SRGAP3: variants seen among roughly 807,000 people sequenced by gnomAD.
SRGAP3 encodes SLIT-ROBO Rho GTPase-activating protein 3.
In SRGAP3, 39 loss-of-function variants were observed where a neutral mutation model predicts 121.1. That is an observed-to-expected ratio of 0.32 (90% confidence interval 0.25 to 0.42). The LOEUF (loss-of-function observed/expected upper bound fraction) is 0.42, where lower values mean the gene tolerates loss of function less well. Among genes scored for constraint, SRGAP3 ranks in the 10% least tolerant of loss-of-function variants. The probability of loss-of-function intolerance (pLI) is 1.00; values close to 1 mark genes in which losing one functional copy is unlikely to be tolerated. For synonymous variants in SRGAP3, 601 were observed against 570.0 expected (o/e 1.05, Z -0.77); for missense variants, 1,213 against 1,470.6 (o/e 0.82, Z 2.86).
chr3:9,060,168 C>A (rs746722235), intron 6 of SRGAP3, 63 bp downstream of exon 6: 2 of 1,612,128 alleles, frequency 1.2e-6, no homozygotes, highest in Non-Finnish European at 1.7e-6. Flanking sequence ...CCTCCTTCAG[C>A]CAGTGACATG....
rs749892272 is a variant in SRGAP3 at position 9,027,044 on chromosome 3, A to C, written c.1540-49T>G. On this transcript the variant is annotated intron_variant, in intron 12 of 21. Coordinates refer to ENST00000383836, the MANE Select transcript of SRGAP3 (RefSeq NM_014850.4). ...TTTTATGGGGCTTGACAACCACCAC[A>C]GGAAAAAGACATTGCAAACACCGAT... 5.8e-6 allele frequency: 9 copies of C among 1,562,214 alleles called. No homozygotes were observed. The East Asian group carries it at 1.6e-4, about 27-fold the overall frequency.
intron 1 of SRGAP3, among the ~76,000 whole-genome samples, chr3:9,144,949 T>C (rs185120736): frequency 5.9e-5 from 9 of 152,368 alleles, no homozygotes; most frequent in South Asian, 2.1e-4. Flanking sequence ...GAAGGTTACA[T>C]GTGCATTATA....
intron 1 of SRGAP3, among the ~76,000 whole-genome samples, chr3:9,248,666 T>G (rs140899946): frequency 1.4e-4 from 21 of 152,284 alleles, no homozygotes; most frequent in Non-Finnish European, 2.4e-4. Context: ...CAGAGACTGC[T>G]GCCCATTCCA....
chr3:9,289,496 C>A (rs959111217), intron 3 of SRGAP3, among the ~76,000 whole-genome samples: 3 of 152,206 alleles, frequency 2.0e-5, no homozygotes, highest in Non-Finnish European at 4.4e-5. Context: ...AAGAACACTA[C>A]TAGTCTAACA....
chr3:9,096,890 T>C (rs1947988577), intron 3 of SRGAP3, among the ~76,000 whole-genome samples: 1 of 139,854 alleles, frequency 7.2e-6, no homozygotes, highest in Non-Finnish European at 1.5e-5. Flanking sequence ...TAATATATTA[T>C]TATATATTAT....
intron 1 of SRGAP3, among the ~76,000 whole-genome samples, chr3:9,204,740 C>T (rs771629891): frequency 2.0e-5 from 3 of 152,140 alleles, no homozygotes; most frequent in Non-Finnish European, 2.9e-5. Flanking sequence ...AGGCGTAAGC[C>T]GGGCAATCAC....
chr3:9,222,723 C>T (rs975214416), intron 1 of SRGAP3, among the ~76,000 whole-genome samples: 8 of 152,194 alleles, frequency 5.3e-5, no homozygotes, highest in African/African-American at 1.9e-4. Context: ...ATATCATGGT[C>T]GCACTGATAC....
At chr3:9,115,577 T>C (rs570405384) in intron 2 of SRGAP3, among the ~76,000 whole-genome samples, 7 of 152,238 alleles carry the variant, frequency 4.6e-5, no homozygotes, top group Admixed American at 1.3e-4. Flanking sequence ...ATAAAGGAGC[T>C]ACAGCCATTG....
intron 3 of SRGAP3, among the ~76,000 whole-genome samples, chr3:9,262,540 A>C (rs1255934480): frequency 6.8e-6 from 1 of 146,412 alleles, no homozygotes; most frequent in African/African-American, 2.5e-5. Flanking sequence ...AAAGCAAAAA[A>C]AAAAAAAAAA....
chr3:9,167,732 G>A (rs1434158643), intron 1 of SRGAP3, among the ~76,000 whole-genome samples: 2 of 152,178 alleles, frequency 1.3e-5, no homozygotes, highest in South Asian at 2.1e-4. Flanking sequence ...AGCATCTGCT[G>A]AAGGCCATCA....
intron 5 of SRGAP3, among the ~76,000 whole-genome samples, chr3:9,062,471 C>A (rs541940051): frequency 1.6e-3 from 237 of 152,184 alleles, no homozygotes; most frequent in African/African-American, 5.5e-3. Context: ...CATTATCTAA[C>A]TTTAGAATAT....
chr3:9,061,767 G>C (rs1946183374), intron 5 of SRGAP3, among the ~76,000 whole-genome samples: 1 of 152,116 alleles, frequency 6.6e-6, no homozygotes, highest in Non-Finnish European at 1.5e-5. Context: ...GGAGAGGTGG[G>C]GTGGGGCAGC....
intron 4 of SRGAP3, among the ~76,000 whole-genome samples, chr3:9,079,389 CA>C (rs1947131905): frequency 6.6e-6 from 1 of 152,160 alleles, no homozygotes; most frequent in Non-Finnish European, 1.5e-5. Context: ...ATCATCACCT[CA>C]TGTGTTTGTG....
chr3:9,027,530 C>T (rs541867934), intron 12 of SRGAP3, among the ~76,000 whole-genome samples: 2 of 151,702 alleles, frequency 1.3e-5, no homozygotes, highest in African/African-American at 2.4e-5. Context: ...CAAGTAAACA[C>T]CCAGATGCAT....
chr3:9,225,435 G>GT (rs1381715462), intron 1 of SRGAP3, among the ~76,000 whole-genome samples: 1 of 152,116 alleles, frequency 6.6e-6, no homozygotes, highest in Non-Finnish European at 1.5e-5. Flanking sequence ...AAGTTACCAG[G>GT]TTGAAGACTT....
intron 1 of SRGAP3, among the ~76,000 whole-genome samples, chr3:9,345,285 GT>G (rs1267964082): frequency 6.6e-6 from 1 of 152,072 alleles, no homozygotes; most frequent in Non-Finnish European, 1.5e-5. Flanking sequence ...GAGGCCAGGA[GT>G]TTGAGACCAG....
intron 1 of SRGAP3, among the ~76,000 whole-genome samples, chr3:9,351,132 C>T (rs1390882119): frequency 6.6e-6 from 1 of 152,110 alleles, no homozygotes; most frequent in Non-Finnish European, 1.5e-5. Context: ...GCAACCTAGA[C>T]TTGGAATTAG....
At chr3:9,265,065 C>T (rs1232298880) in intron 3 of SRGAP3, among the ~76,000 whole-genome samples, 1 of 152,062 alleles carries the variant, frequency 6.6e-6, no homozygotes, top group Admixed American at 6.6e-5. Flanking sequence ...TCAGAAATAA[C>T]ACCACACATC....
intron 1 of SRGAP3, among the ~76,000 whole-genome samples, chr3:9,222,872 A>C (rs1952859678): frequency 6.6e-6 from 1 of 152,252 alleles, no homozygotes; most frequent in Non-Finnish European, 1.5e-5. Flanking sequence ...AGAAGAGAAT[A>C]ATGAAAAATA....
Sources: gnomAD v4.1 joint callset for allele counts (sites outside exome capture counted in the v4.1 genomes callset) on GRCh38, gnomAD v4.1.1 for gene constraint, MANE v1.5 for transcripts, NCBI Gene and HGNC (gene_info 2026-07-23, HGNC 2026-07-21) for gene names.